Variants in NF1 observed in about 807,000 individuals in gnomAD.
The protein encoded by NF1 is neurofibromin 1, also known as neurofibromin.
NF1 carries 122 observed loss-of-function variants against 325.7 expected under a neutral mutation model. The observed-to-expected ratio is 0.37, with a 90% CI of 0.32 to 0.44. The LOEUF (loss-of-function observed/expected upper bound fraction) is 0.44, where lower values mean the gene tolerates loss of function less well. Among genes scored for constraint, NF1 ranks in the 20% least tolerant of loss-of-function variants. The pLI is 1.00. For missense variants in NF1, 2,140 were observed against 3,415.4 expected (o/e 0.63, Z 9.31); for synonymous variants, 1,091 against 1,186.0 (o/e 0.92, Z 1.65).
At chr17:31,165,595 C>T (rs1464109712) in intron 4 of NF1, among the ~76,000 whole-genome samples, 2 of 152,092 alleles carry the variant, frequency 1.3e-5, no homozygotes, top group Non-Finnish European at 2.9e-5. Context: ...TCGTGTTTGT[C>T]CATTCTCCCC....
At chr17:31,263,125 A>AGATAGATAGAC (rs78971065) in intron 35 of NF1, among the ~76,000 whole-genome samples, 1 of 143,118 alleles carries the variant, frequency 7.0e-6, no homozygotes, top group Non-Finnish European at 1.5e-5. Flanking sequence ...ATAGATAGAT[A>AGATAGATAGAC]AGATAAGATA....
intron 30 of NF1, 103 bp downstream of exon 30, chr17:31,249,222 A>G (rs979763135): frequency 1.4e-5 from 18 of 1,302,720 alleles, no homozygotes; most frequent in Non-Finnish European, 1.9e-5. Context: ...GGTTAACTAT[A>G]ATACTGAGTC....
chr17:31,337,030 G>T (rs1268838779), intron 42 of NF1, 116 bp downstream of exon 42: 1 of 1,067,724 alleles, frequency 9.4e-7, no homozygotes, highest in South Asian at 1.4e-5. Flanking sequence ...GCTAATTTAA[G>T]CCTCCAGTAA....
At chr17:31,293,881 CTT>C (rs1330614836) in intron 36 of NF1, among the ~76,000 whole-genome samples, 2 of 152,128 alleles carry the variant, frequency 1.3e-5, no homozygotes, top group Non-Finnish European at 2.9e-5. Context: ...AGTTGGCTAA[CTT>C]TTATATTTGT....
At chr17:31,152,588 G>T in intron 1 of NF1, among the ~76,000 whole-genome samples, 1 of 143,472 alleles carries the variant, frequency 7.0e-6, no homozygotes, top group Non-Finnish European at 1.5e-5. Flanking sequence ...ATTATCTTCT[G>T]TGTTAATTTA....
At chr17:31,274,895 G>A (rs1055018474) in intron 36 of NF1, among the ~76,000 whole-genome samples, 1 of 152,098 alleles carries the variant, frequency 6.6e-6, no homozygotes, top group Non-Finnish European at 1.5e-5. Flanking sequence ...TCAGAAGTTA[G>A]TGTTTTCTCC....
intron 40 of NF1, among the ~76,000 whole-genome samples, chr17:31,335,274 T>TTATATA (rs1172994332): frequency 1.5e-4 from 1 of 6,710 alleles, no homozygotes; most frequent in Admixed American, 2.3e-3. Flanking sequence ...CAAGGCATAA[T>TTATATA]TATATATATA....
intron 1 of NF1, among the ~76,000 whole-genome samples, chr17:31,122,514 T>C (rs1298485294): frequency 1.3e-5 from 2 of 152,194 alleles, no homozygotes; most frequent in African/African-American, 4.8e-5. Context: ...CTCAACTGCT[T>C]TAGATGCAGT....
At position 31,322,094 on chromosome 17, in the gene NF1, T is replaced by TACACAC. The variant is rs71142046; in HGVS notation, c.4836-3696_4836-3691dup. 7.5e-3 allele frequency among the ~76,000 whole-genome samples: 1,112 copies of TACACAC among 147,408 alleles called. 10 individuals carry two copies. Among genetic ancestry groups the TACACAC allele is most frequent in the African/African-American group, 0.022 (853 of 39,332 alleles). On this transcript the variant is annotated intron_variant, in intron 36 of 57. Coordinates refer to ENST00000358273, the MANE Select transcript of NF1 (RefSeq NM_001042492.3). ...GCTTTCGTGTGGTGTAGTGTGTGTA[T>TACACAC]ACACACACACACACACACACACACA...
At chr17:31,188,117 C>A (rs1187621323) in intron 8 of NF1, among the ~76,000 whole-genome samples, 2 of 152,172 alleles carry the variant, frequency 1.3e-5, no homozygotes, top group Admixed American at 6.5e-5. Context: ...GACCCAGACC[C>A]TTCAGGAATG....
chr17:31,305,578 A>G (rs1306960668), intron 36 of NF1: 2 of 1,613,414 alleles, frequency 1.2e-6, no homozygotes, highest in Non-Finnish European at 1.7e-6. Flanking sequence ...GTGTCCACAA[A>G]ACAAAATTAA....
In NF1 at chr17:31,258,342, A is replaced by G. The variant is rs1555618489; in HGVS notation, c.4174-2A>G. 6.2e-7 allele frequency: 1 copy of G among 1,613,864 alleles called. No homozygotes were observed. Among genetic ancestry groups the G allele is most frequent in the Non-Finnish European group, 8.5e-7 (1 of 1,179,886 alleles). On this transcript the variant is annotated splice_acceptor_variant, in intron 31 of 57. Coordinates refer to ENST00000358273, the MANE Select transcript of NF1 (RefSeq NM_001042492.3). LOFTEE classifies it high-confidence loss of function. ...ACTCAATTCTCAACTCCTTGTTTTT[A>G]GGTGGTTAGCCAGCGTTTCCCTCAG...
At chr17:31,334,052 C>T (rs1035065431) in intron 39 of NF1, among the ~76,000 whole-genome samples, 3 of 151,968 alleles carry the variant, frequency 2.0e-5, no homozygotes, top group Non-Finnish European at 4.4e-5. Flanking sequence ...TTTGGGAGGC[C>T]GAGGCGGGCA....
At chr17:31,181,230 G>T (rs2066126237) in intron 5 of NF1, among the ~76,000 whole-genome samples, 192 bp from the exon 6 acceptor site, 1 of 152,108 alleles carries the variant, frequency 6.6e-6, no homozygotes, top group African/African-American at 2.4e-5. Flanking sequence ...AGGCATATTT[G>T]CTGTTTATGG....
Position 31,325,829 on chromosome 17 carries a change from T to C in NF1, c.4845T>C (p.Thr1615=), listed in dbSNP as rs753606794. 6.2e-7 allele frequency: 1 copy of C among 1,614,052 alleles called. No individual in the cohort carries two copies. The highest frequency in any genetic ancestry group is 8.5e-7 in the Non-Finnish European group (1 of 1,179,932). Residue 1615 remains threonine (T), a synonymous_variant, in exon 37 of 58, where the codon ACT becomes ACC. Coordinates refer to ENST00000358273, the MANE Select transcript of NF1 (RefSeq NM_001042492.3). The part of the protein sequence containing the change: ...IFYYVARRFK[T]GQINGDLLIY... ...TTGTCATTTTCCTTAGGTTCAAAACTGGTCAAATCAATGGTGATTTGCTGA... is the reference window on the plus strand; with the variant it reads ...TTGTCATTTTCCTTAGGTTCAAAACCGGTCAAATCAATGGTGATTTGCTGA...
intron 36 of NF1, among the ~76,000 whole-genome samples, chr17:31,281,823 A>C (rs896835560): frequency 6.6e-6 from 1 of 152,032 alleles, no homozygotes; most frequent in Non-Finnish European, 1.5e-5. Context: ...TGGGAGACTG[A>C]GGTTGGGAGA....
intron 14 of NF1, among the ~76,000 whole-genome samples, chr17:31,221,055 A>T (rs754390449): frequency 6.6e-6 from 1 of 152,146 alleles, no homozygotes; most frequent in Non-Finnish European, 1.5e-5. Flanking sequence ...CCAAGGACTG[A>T]AAGAAATGTC....
chr17:31,158,100 G>A (rs972011011), intron 2 of NF1, among the ~76,000 whole-genome samples: 1 of 151,884 alleles, frequency 6.6e-6, no homozygotes, highest in Admixed American at 6.6e-5. Flanking sequence ...CTCCCTACCC[G>A]ACCCTTCTTA....
intron 36 of NF1, among the ~76,000 whole-genome samples, chr17:31,288,782 G>C (rs2068292480): frequency 6.6e-6 from 1 of 152,050 alleles, no homozygotes; most frequent in African/African-American, 2.4e-5. Flanking sequence ...ACCCACCTTG[G>C]CCTCCCAAAT....
Sources: gnomAD v4.1 joint callset for allele counts (sites outside exome capture counted in the v4.1 genomes callset) on GRCh38, gnomAD v4.1.1 for gene constraint, MANE v1.5 for transcripts, NCBI Gene and HGNC (gene_info 2026-07-23, HGNC 2026-07-21) for gene names.